MOV10: variants seen among roughly 807,000 people sequenced by gnomAD.
MOV10 encodes the protein Mov10 RNA helicase.
In MOV10, 39 loss-of-function variants were observed where a neutral mutation model predicts 108.4. That is an observed-to-expected ratio of 0.36 (90% CI 0.28 to 0.47). The LOEUF (loss-of-function observed/expected upper bound fraction) is 0.47. Ranked by LOEUF, MOV10 falls within the 20% of genes least tolerant of loss-of-function variation. The pLI is 1.00. For missense variants in MOV10, 952 were observed against 1,297.6 expected, an observed-to-expected ratio of 0.73 and a Z score of 4.09; for synonymous variants, 490 against 523.1, an observed-to-expected ratio of 0.94 and a Z score of 0.86.
rs140076267 is a variant in MOV10, at chr1:112,694,433, C to G, written c.1296-20C>G. On this transcript the variant is annotated intron_variant, in intron 8 of 20. Coordinates refer to ENST00000369645, the MANE Select transcript of MOV10 (RefSeq NM_001321324.2). The surrounding 1 kb of genome is among the most constrained non-coding windows in gnomAD (Gnocchi z 4.1). ...CCTCCCCTGCCCCAACAAACTCTTA[C>G]CACCTCTCTCTGCCCAAAGCCTCCT... 3.7e-6 allele frequency: 6 copies of G among 1,613,664 alleles called. No individual in the cohort carries two copies. Among genetic ancestry groups the G allele is most frequent in the Non-Finnish European group, 4.2e-6 (5 of 1,179,976 alleles).
intron 15 of MOV10, 33 bp from the exon 16 acceptor site, chr1:112,698,254 C>G (rs1674292926): frequency 6.2e-7 from 1 of 1,605,044 alleles, no homozygotes; most frequent in African/African-American, 1.3e-5. Context: ...GGAGGGTGGT[C>G]TGGCTGACGG....
Position 112,688,815 on chromosome 1 carries a change from T to C in MOV10, c.138-120T>C, listed in dbSNP as rs372992624. 6.5e-6 allele frequency: 10 copies of C among 1,534,472 alleles called. No individual in the cohort carries two copies. The South Asian group carries it at 9.9e-5, about 15-fold the overall frequency. On this transcript the variant is annotated intron_variant, in intron 2 of 20. Transcript: ENST00000369645. ...TCTCTGTCTCTGGGCCCCATCCTGC[T>C]CCACAGCAGGGCTGGTGTGTCCAGC... is the stretch of plus-strand genomic sequence containing the variant.
intron 4 of MOV10, 94 bp downstream of exon 4, chr1:112,689,744 C>A: frequency 6.3e-7 from 1 of 1,581,124 alleles, no homozygotes; most frequent in Non-Finnish European, 8.6e-7. Flanking sequence ...GTCCATGGGA[C>A]TCTTGCCTTG....
At chr1:112,676,168 C>T (rs1672186202) in intron 2 of MOV10, among the ~76,000 whole-genome samples, 1 of 152,134 alleles carries the variant, frequency 6.6e-6, no homozygotes, top group African/African-American at 2.4e-5. Context: ...TTTTATGTCA[C>T]CATGCTGGAC....
intron 15 of MOV10, 56 bp downstream of exon 15, chr1:112,698,167 G>A (rs925461810): frequency 6.3e-7 from 1 of 1,596,572 alleles, no homozygotes; most frequent in African/African-American, 1.3e-5. Flanking sequence ...TCCCACTGAA[G>A]GTGCAGCCCC....
In MOV10 at chr1:112,674,830, A is replaced by G; in HGVS notation, c.-65-18A>G. ...TTCCCTCCTGCTGCACCCTCATCTCAGGGCCGCCAACTTCCAGCTGCAGCG... is the reference window on the plus strand; with the variant it reads ...TTCCCTCCTGCTGCACCCTCATCTCGGGGCCGCCAACTTCCAGCTGCAGCG... On this transcript the variant is annotated intron_variant, in intron 1 of 20. Coordinates refer to ENST00000369645, the MANE Select transcript of MOV10 (RefSeq NM_001321324.2). The G allele has an allele frequency of 7.0e-7, 1 of 1,429,118 alleles. No individual in the cohort carries two copies. The highest frequency in any genetic ancestry group is 9.3e-7 in the Non-Finnish European group (1 of 1,071,094). 88.5% of individuals were successfully genotyped at this position (1,429,118 alleles called of 1,614,324 possible).
intron 6 of MOV10, 40 bp from the exon 7 acceptor site, chr1:112,692,721 G>A (rs916920617): frequency 5.6e-6 from 9 of 1,609,566 alleles, no homozygotes; most frequent in Non-Finnish European, 7.6e-6. Context: ...GGCCCATCCT[G>A]TTCCTGCCCC....
In MOV10 at chr1:112,696,548, G is replaced by A. The variant is rs372664675; in HGVS notation, c.1981+14G>A. The A allele has an allele frequency of 3.7e-6, 6 of 1,612,782 alleles. No homozygotes were observed. The highest frequency in any genetic ancestry group is 2.7e-5 in the African/African-American group (2 of 74,880). On this transcript the variant is annotated intron_variant, in intron 13 of 20. Coordinates refer to ENST00000369645, the MANE Select transcript of MOV10 (RefSeq NM_001321324.2). ...TAGCTATAGCAGGTGAGGGACTCAG[G>A]TGGGGCTGCAGGTATACACCCTGTG... is the stretch of plus-strand genomic sequence containing the variant.
chr1:112,700,423 C>T lies in MOV10; in HGVS notation c.2928C>T (p.His976=), dbSNP rs2101447296. 3 of 1,613,534 alleles carry T rather than the reference C, an allele frequency of 1.9e-6. No individual in the cohort carries two copies. The highest frequency in any genetic ancestry group is 2.5e-6 in the Non-Finnish European group (3 of 1,179,696). ...SKLSPSTSGP[H]SHDYLPQERE... ...TACTTTCTCTCTTTCCAGGGCCCCACAGCCATGACTACCTCCCCCAGGAGC... is the reference window on the plus strand; with the variant it reads ...TACTTTCTCTCTTTCCAGGGCCCCATAGCCATGACTACCTCCCCCAGGAGC... Residue 976 remains histidine, a synonymous_variant, in exon 21 of 21, where the codon CAC becomes CAT. Coordinates refer to ENST00000369645, the MANE Select transcript of MOV10 (RefSeq NM_001321324.2).
chr1:112,694,231 G>C lies in MOV10; in HGVS notation c.1295+59G>C, dbSNP rs1673854138. The C allele has an allele frequency of 6.3e-7, 1 of 1,597,182 alleles. No individual in the cohort carries two copies. The highest frequency in any genetic ancestry group is 8.6e-7 in the Non-Finnish European group (1 of 1,165,998). The stretch of plus-strand genomic sequence containing the variant: ...GGTCTACAGACTTCTGACCCCAGGG[G>C]AGGAGGAGTGTTTCTCCCTGAGATA... On this transcript the variant is annotated intron_variant, in intron 8 of 20. Transcript: ENST00000369645. The surrounding 1 kb of genome is among the most constrained non-coding windows in gnomAD (Gnocchi z 4.1).
chr1:112,698,271 C>G lies in MOV10; in HGVS notation c.2317-16C>G. ...AGGGTGGTCTGGCTGACGGTTTCCC[C>G]CGACCCCATGTCCAGGGCTTTCCCA... On this transcript the variant is annotated splice_polypyrimidine_tract_variant and intron_variant, in intron 15 of 20. Transcript: ENST00000369645. The G allele has an allele frequency of 1.2e-6, 2 of 1,609,284 alleles. No homozygotes were observed. Among genetic ancestry groups the G allele is most frequent in the South Asian group, 2.2e-5 (2 of 90,610 alleles).
At chr1:112,691,953 C>T (rs1417006400) in intron 6 of MOV10, among the ~76,000 whole-genome samples, 154 bp downstream of exon 6, 1 of 152,138 alleles carries the variant, frequency 6.6e-6, no homozygotes, top group Non-Finnish European at 1.5e-5. Flanking sequence ...TCAAGGTGAA[C>T]CAGTCAAATG....
rs115000147 is a variant in MOV10, at chr1:112,698,492, T to C, written c.2508+14T>C. The C allele has an allele frequency of 1.9e-4, 300 of 1,612,334 alleles. 1 individual carries two copies. The African/African-American group carries it at 3.7e-3, about 20-fold the overall frequency. ...TACCGGAAACAGGTCAGGTCCTCAG[T>C]TACCAGCAAGGGTGGGGCCCCTCCC... On this transcript the variant is annotated intron_variant, in intron 16 of 20. Coordinates refer to ENST00000369645, the MANE Select transcript of MOV10 (RefSeq NM_001321324.2).
intron 2 of MOV10, among the ~76,000 whole-genome samples, chr1:112,683,148 G>A (rs1198879948): frequency 1.3e-5 from 2 of 151,196 alleles, no homozygotes; most frequent in Non-Finnish European, 2.9e-5. Context: ...TCGAACTCCT[G>A]ACCTCAAGTG....
At chr1:112,688,575 T>G (rs996202279) in intron 2 of MOV10, 1 of 1,160,530 alleles carries the variant, frequency 8.6e-7, no homozygotes, top group Non-Finnish European at 1.1e-6. Flanking sequence ...TGTTTGTATT[T>G]TCTTTTCTGT....
In MOV10 at chr1:112,694,387, G is replaced by C; in HGVS notation, c.1296-66G>C. On this transcript the variant is annotated intron_variant, in intron 8 of 20. Coordinates refer to ENST00000369645, the MANE Select transcript of MOV10 (RefSeq NM_001321324.2). This position sits in a 1 kb window ranked among gnomAD's most constrained non-coding sequence, Gnocchi z 4.1. ...GTTGGGACACTGGTTGGTGGAGAAA[G>C]TTCTGGCCCTTTATTGCCCACCTCC... 2.5e-6 allele frequency: 4 copies of C among 1,595,214 alleles called. No homozygotes were observed. The highest frequency in any genetic ancestry group is 3.4e-6 in the Non-Finnish European group (4 of 1,165,724).
intron 2 of MOV10, among the ~76,000 whole-genome samples, chr1:112,687,758 C>T (rs1388684441): frequency 6.6e-6 from 1 of 152,108 alleles, no homozygotes; most frequent in Admixed American, 6.5e-5. Flanking sequence ...GGTTCTCTGC[C>T]GTGTCAAAAT....
chr1:112,700,013 G>A, intron 19 of MOV10, 31 bp downstream of exon 19: 1 of 1,613,126 alleles, frequency 6.2e-7, no homozygotes, highest in Non-Finnish European at 8.5e-7. Flanking sequence ...CTCCCTCTTA[G>A]TGGCCACAGC....
Position 112,698,066 on chromosome 1 carries a change from C to A in MOV10, c.2271C>A (p.Val757=), listed in dbSNP as rs376733786. The A allele has an allele frequency of 4.3e-6, 7 of 1,614,078 alleles. No homozygotes were observed. The highest frequency in any genetic ancestry group is 1.1e-5 in the South Asian group (1 of 91,082). The change falls in exon 15 of 21, where the codon GTC becomes GTA. Residue 757 remains valine, a synonymous_variant. Transcript: ENST00000369645. ...GGGAGCTGCAGGCCTGTGCTGATGT[C>A]GTGGATCGAGAACGCTTCTGCCGCT... ...YEGELQACAD[V]VDRERFCRWA...
Sources: gnomAD v4.1 joint callset for allele counts (sites outside exome capture counted in the v4.1 genomes callset) on GRCh38, gnomAD v4.1.1 for gene constraint, Gnocchi (gnomAD v3.1) non-coding constraint, MANE v1.5 for transcripts, NCBI Gene and HGNC (gene_info 2026-07-23, HGNC 2026-07-21) for gene names.